RBFOX1: variants seen among roughly 807,000 people sequenced by gnomAD.
The protein encoded by RBFOX1 is RNA binding fox-1 homolog 1.
Under a neutral mutation model 57.7 loss-of-function variants are expected in RBFOX1, and 8 were observed. That is an observed-to-expected ratio of 0.14 (90% CI 0.08 to 0.25). The LOEUF (loss-of-function observed/expected upper bound fraction) is 0.25, where lower values mean the gene tolerates loss of function less well. Ranked by LOEUF, RBFOX1 falls within the 10% of genes least tolerant of loss-of-function variation. RBFOX1 has a pLI of 1.00. For missense variants in RBFOX1, 611 were observed against 548.5 expected (o/e 1.11, Z -1.14); for synonymous variants, 326 against 222.4 (o/e 1.47, Z -4.15).
intron 3 of RBFOX1, among the ~76,000 whole-genome samples, chr16:6,732,862 CACA>C (rs1304650523): frequency 6.6e-6 from 1 of 152,148 alleles, no homozygotes. Flanking sequence ...GTAAACTTTT[CACA>C]ACAAATTTGC....
intron 3 of RBFOX1, among the ~76,000 whole-genome samples, chr16:6,949,130 A>T (rs139865564): frequency 6.6e-6 from 1 of 152,110 alleles, no homozygotes; most frequent in Non-Finnish European, 1.5e-5. Context: ...TAAAACATGG[A>T]TAGGGATATG....
At chr16:6,875,530 A>G (rs1197451006) in intron 3 of RBFOX1, among the ~76,000 whole-genome samples, 1 of 152,200 alleles carries the variant, frequency 6.6e-6, no homozygotes, top group East Asian at 1.9e-4. Context: ...GGCAAAGACT[A>G]TGAATTATGT....
chr16:6,492,993 A>G (rs1313911036), intron 2 of RBFOX1, among the ~76,000 whole-genome samples: 5 of 152,220 alleles, frequency 3.3e-5, no homozygotes, highest in African/African-American at 1.2e-4. Flanking sequence ...GAAGAGATGA[A>G]GCTTTTGCTT....
intron 4 of RBFOX1, among the ~76,000 whole-genome samples, chr16:7,073,922 G>C (rs988117241): frequency 6.6e-6 from 1 of 151,948 alleles, no homozygotes; most frequent in African/African-American, 2.4e-5. Context: ...TGACAATCCA[G>C]AGCAGTGTTT....
intron 9 of RBFOX1, among the ~76,000 whole-genome samples, chr16:7,604,426 A>G (rs928618389): frequency 1.4e-4 from 21 of 152,320 alleles, no homozygotes; most frequent in South Asian, 1.2e-3. Context: ...GACTTTATCA[A>G]TTACCTTTCT....
chr16:7,233,008 G>T (rs1474931368), intron 4 of RBFOX1, among the ~76,000 whole-genome samples: 1 of 152,004 alleles, frequency 6.6e-6, no homozygotes, highest in Non-Finnish European at 1.5e-5. Flanking sequence ...CTGCTTTCCT[G>T]GACTGCTAAA....
At chr16:5,358,624 G>A (rs970149649) in intron 1 of RBFOX1, among the ~76,000 whole-genome samples, 3 of 152,166 alleles carry the variant, frequency 2.0e-5, no homozygotes, top group Non-Finnish European at 4.4e-5. Flanking sequence ...AGGAGTTTGA[G>A]ACCAGCCTGA....
intron 1 of RBFOX1, among the ~76,000 whole-genome samples, chr16:5,354,213 T>G (rs369273976): frequency 1.0e-3 from 157 of 152,324 alleles, no homozygotes; most frequent in African/African-American, 3.6e-3. Flanking sequence ...TGATGTCTCC[T>G]GAGCACTAGT....
chr16:7,093,851 A>T (rs1030307196), intron 4 of RBFOX1, among the ~76,000 whole-genome samples: 2 of 152,232 alleles, frequency 1.3e-5, no homozygotes, highest in Non-Finnish European at 2.9e-5. Context: ...ATAAAGCCAC[A>T]TCCATTTTTT....
chr16:6,684,251 G>A (rs940133600), intron 3 of RBFOX1, among the ~76,000 whole-genome samples: 2 of 152,188 alleles, frequency 1.3e-5, no homozygotes, highest in Non-Finnish European at 2.9e-5. Context: ...AGAGGCTAAT[G>A]TGGCCAGAAG....
intron 1 of RBFOX1, among the ~76,000 whole-genome samples, chr16:5,362,345 C>T (rs2065576219): frequency 6.6e-6 from 1 of 152,054 alleles, no homozygotes; most frequent in Non-Finnish European, 1.5e-5. Context: ...TGCACGCCAC[C>T]ACGCCCAGAT....
intron 1 of RBFOX1, among the ~76,000 whole-genome samples, chr16:5,419,227 TCA>T (rs1475062298): frequency 6.6e-6 from 1 of 152,094 alleles, no homozygotes. Flanking sequence ...GAGTATTGAC[TCA>T]CACGATCACA....
chr16:6,545,019 A>G (rs949152671), intron 2 of RBFOX1, among the ~76,000 whole-genome samples: 4 of 152,180 alleles, frequency 2.6e-5, no homozygotes, highest in African/African-American at 9.7e-5. Flanking sequence ...TAGGCTGACC[A>G]TCTGTCAGGG....
intron 4 of RBFOX1, among the ~76,000 whole-genome samples, chr16:7,247,986 C>T (rs1012743527): frequency 3.3e-5 from 5 of 152,148 alleles, no homozygotes; most frequent in East Asian, 1.9e-4. Context: ...GACAAACTCC[C>T]ATGACACAAG....
intron 1 of RBFOX1, among the ~76,000 whole-genome samples, chr16:6,031,472 G>A (rs1414624407): frequency 6.6e-6 from 1 of 152,182 alleles, no homozygotes; most frequent in East Asian, 1.9e-4. Flanking sequence ...AGATAGGTGC[G>A]AGAATAAGGT....
At position 7,682,522 on chromosome 16, in the gene RBFOX1, T is replaced by G. The variant is rs149549580; in HGVS notation, c.995+5684T>G. On this transcript the variant is annotated intron_variant, in intron 14 of 15. Transcript: ENST00000550418. ...CTCTGTGCCATTTTTGATGGTGCTT[T>G]GAAGAAGCTGTTCTTGGTTTTAGTT... is the stretch of plus-strand genomic sequence containing the variant. Among the ~76,000 whole-genome samples the G allele has an allele frequency of 7.2e-5, 11 of 151,994 alleles. No homozygotes were observed. In the East Asian group the frequency reaches 2.1e-3, roughly 29 times the overall value.
chr16:6,230,666 G>C (rs1036682883), intron 1 of RBFOX1, among the ~76,000 whole-genome samples: 1 of 152,122 alleles, frequency 6.6e-6, no homozygotes, highest in Admixed American at 6.6e-5. Flanking sequence ...ATTTCTTCAC[G>C]CATAACAATT....
intron 4 of RBFOX1, among the ~76,000 whole-genome samples, chr16:7,403,907 ATTC>A (rs1469825751): frequency 6.7e-6 from 1 of 149,146 alleles, no homozygotes; most frequent in Admixed American, 6.6e-5. Flanking sequence ...ATTAAATATT[ATTC>A]TTTTATATAT....
chr16:6,010,580 T>C (rs1005179918), intron 4 of RBFOX1, among the ~76,000 whole-genome samples: 4 of 152,226 alleles, frequency 2.6e-5, no homozygotes, highest in Admixed American at 2.0e-4. Context: ...GGTCGACTTC[T>C]GGAGGAAGCA....
Sources: allele counts gnomAD v4.1 joint callset (sites outside exome capture counted in the v4.1 genomes callset), GRCh38; gene constraint gnomAD v4.1.1; transcripts MANE v1.5; gene names NCBI Gene and HGNC (gene_info 2026-07-23, HGNC 2026-07-21).